The following MTA3 variants were observed in gnomAD, a reference collection of about 807,000 sequenced individuals.
MTA3 encodes metastasis-associated protein MTA3.
In MTA3, 34 loss-of-function variants were observed where a neutral mutation model predicts 83.5. That is an observed-to-expected ratio of 0.41 (90% CI 0.31 to 0.54). MTA3 has a LOEUF of 0.54. MTA3 is among the 20% of genes least tolerant of loss of function. MTA3 has a pLI of 0.33. For synonymous variants in MTA3, 303 were observed against 252.7 expected, an observed-to-expected ratio of 1.20 and a Z score of -1.89; for missense variants, 761 against 726.4, an observed-to-expected ratio of 1.05 and a Z score of -0.55.
intron 3 of MTA3, among the ~76,000 whole-genome samples, chr2:42,580,572 A>G (rs1161272061): frequency 1.3e-5 from 2 of 151,812 alleles, no homozygotes; most frequent in African/African-American, 2.4e-5. Flanking sequence ...GGGTTTCACC[A>G]TGTTGGTCAG....
Position 42,594,266 on chromosome 2 carries a change from A to T in MTA3, c.190+15066A>T, listed in dbSNP as rs150939407. On this transcript the variant is annotated intron_variant, in intron 3 of 16. Transcript: ENST00000405094. ...CCCCTTTTTTTTTTTTTTTTTTTTT[A>T]AAAGACAGTCCCTAGGCTGGAGTGC... Among the ~76,000 whole-genome samples, 180 of 54,432 alleles carry T rather than the reference A, an allele frequency of 3.3e-3. 4 individuals are homozygous for T. The highest frequency in any genetic ancestry group is 4.0e-3 in the Admixed American group (15 of 3,762). 35.7% of individuals were successfully genotyped at this position (54,432 alleles called of 152,430 possible). A position where few individuals can be genotyped will look rare whatever the true frequency, so the allele number is the denominator to read the frequency against.
Position 42,753,480 on chromosome 2 carries a change from G to T in MTA3, c.*81G>T. ...CACAGCCGTGCCTGGGAAGAAGGCAGCCCCACTCCCAGTACATTTCAGTGG... is the reference window on the plus strand; with the variant it reads ...CACAGCCGTGCCTGGGAAGAAGGCATCCCCACTCCCAGTACATTTCAGTGG... On this transcript the variant is annotated 3_prime_UTR_variant, in exon 17 of 17. Transcript: ENST00000405094. 1 of 1,547,962 alleles carries T rather than the reference G, an allele frequency of 6.5e-7. No homozygotes were observed. Among genetic ancestry groups the T allele is most frequent in the East Asian group, 2.4e-5 (1 of 40,876 alleles).
At chr2:42,694,763 T>G (rs1377330615) in intron 9 of MTA3, among the ~76,000 whole-genome samples, 1 of 152,136 alleles carries the variant, frequency 6.6e-6, no homozygotes. Context: ...CTGAAATAAC[T>G]CAGGCTAGAG....
At chr2:42,575,141 A>G (rs1218148745) in intron 2 of MTA3, among the ~76,000 whole-genome samples, 2 of 152,166 alleles carry the variant, frequency 1.3e-5, no homozygotes, top group Admixed American at 1.3e-4. Flanking sequence ...TGCCTTGCTT[A>G]CTTGGCACAA....
At chr2:42,530,413 G>A (rs1290486095) in intron 2 of MTA3, among the ~76,000 whole-genome samples, 1 of 152,014 alleles carries the variant, frequency 6.6e-6, no homozygotes, top group African/African-American at 2.4e-5. Flanking sequence ...CGTGAACCCA[G>A]GAGGCGGAGC....
At chr2:42,581,681 C>G (rs1387894292) in intron 3 of MTA3, 2 of 189,950 alleles carry the variant, frequency 1.1e-5, no homozygotes, top group Admixed American at 6.0e-5. Context: ...CCACACCCAA[C>G]TAGCAACAAC....
At position 42,708,950 on chromosome 2, in the gene MTA3, C is replaced by G. The variant is rs1455132027; in HGVS notation, c.1379C>G (p.Ser460Cys). Residue 460 changes from serine (S) to cysteine (C), a missense_variant, in exon 14 of 17, where the codon TCT (serine) becomes TGT (cysteine). Ser to Cys is a moderately radical substitution (Grantham distance 112). Coordinates refer to ENST00000405094, the MANE Select transcript of MTA3 (RefSeq NM_001330442.2). ...MPVRNTGSPK[S>C]AVKTRQAFFL... The stretch of plus-strand genomic sequence containing the variant: ...GTCCGAAACACTGGGAGTCCAAAGT[C>G]TGCAGTGAAGACCCGCCAAGCTTTC... 2.5e-6 allele frequency: 4 copies of G among 1,614,004 alleles called. No individual in the cohort carries two copies. Among genetic ancestry groups the G allele is most frequent in the Non-Finnish European group, 8.5e-7 (1 of 1,179,888 alleles).
At chr2:42,740,453 G>A (rs1428417527) in intron 16 of MTA3, among the ~76,000 whole-genome samples, 1 of 152,204 alleles carries the variant, frequency 6.6e-6, no homozygotes, top group Non-Finnish European at 1.5e-5. Context: ...TCGAGGCCCA[G>A]TGAGCCATGT....
At chr2:42,635,668 C>T (rs1473155113) in intron 4 of MTA3, among the ~76,000 whole-genome samples, 1 of 151,968 alleles carries the variant, frequency 6.6e-6, no homozygotes, top group Non-Finnish European at 1.5e-5. Context: ...AAATGTAAGA[C>T]TTGTAAAGTC....
intron 8 of MTA3, among the ~76,000 whole-genome samples, chr2:42,675,844 A>G (rs1242003819): frequency 1.3e-5 from 2 of 152,196 alleles, no homozygotes; most frequent in African/African-American, 2.4e-5. Flanking sequence ...TAAGGGTAAG[A>G]TTAGACTACG....
intron 16 of MTA3, among the ~76,000 whole-genome samples, chr2:42,734,403 T>C (rs1249673637): frequency 6.7e-6 from 1 of 148,366 alleles, no homozygotes; most frequent in East Asian, 2.0e-4. Context: ...TTTCCATCCC[T>C]TTACTTTGTT....
intron 2 of MTA3, among the ~76,000 whole-genome samples, chr2:42,545,047 G>A (rs915808264): frequency 2.0e-5 from 3 of 152,140 alleles, no homozygotes; most frequent in Admixed American, 6.6e-5. Context: ...CAGGTGATGA[G>A]AGCTGCAGAA....
intron 2 of MTA3, among the ~76,000 whole-genome samples, chr2:42,517,953 A>C (rs941394072): frequency 1.3e-5 from 2 of 152,064 alleles, no homozygotes; most frequent in African/African-American, 4.8e-5. Flanking sequence ...TGGGAGGCCA[A>C]AGTGGGCAGA....
chr2:42,535,810 G>T (rs1676202717), intron 2 of MTA3, among the ~76,000 whole-genome samples: 1 of 152,006 alleles, frequency 6.6e-6, no homozygotes, highest in Admixed American at 6.6e-5. Flanking sequence ...CTTCCAGCAT[G>T]AGCTTGGAGA....
chr2:42,713,397 G>C (rs1448066637), intron 14 of MTA3, among the ~76,000 whole-genome samples: 2 of 152,186 alleles, frequency 1.3e-5, no homozygotes, highest in Non-Finnish European at 2.9e-5. Context: ...TGAATCATGA[G>C]AGAATAGTTG....
intron 3 of MTA3, among the ~76,000 whole-genome samples, chr2:42,584,543 GTA>G (rs1180559230): frequency 6.6e-6 from 1 of 150,594 alleles, no homozygotes; most frequent in Non-Finnish European, 1.5e-5. Flanking sequence ...AGACTTCAGT[GTA>G]TTTTTTTTTT....
At chr2:42,607,124 G>A (rs1231829369) in intron 3 of MTA3, among the ~76,000 whole-genome samples, 3 of 152,142 alleles carry the variant, frequency 2.0e-5, no homozygotes, top group Admixed American at 6.5e-5. Context: ...GTAGGTAGAG[G>A]TAGAGGGTAG....
chr2:42,724,275 AAAACACACACACACACACACACACACAC>A (rs1667643390), intron 16 of MTA3, among the ~76,000 whole-genome samples: 3 of 82,184 alleles, frequency 3.7e-5, no homozygotes, highest in East Asian at 3.9e-4. Context: ...TAAGTCCTGA[AAAACACACACACACACACACACACACAC>A]ACACACACAC....
chr2:42,506,242 C>G (rs1674621416), intron 2 of MTA3, among the ~76,000 whole-genome samples: 1 of 152,100 alleles, frequency 6.6e-6, no homozygotes, highest in African/African-American at 2.4e-5. Flanking sequence ...CCCAGGAGTT[C>G]AAGACCAGCC....
Sources: gnomAD v4.1 joint callset for allele counts (sites outside exome capture counted in the v4.1 genomes callset) on GRCh38, gnomAD v4.1.1 for gene constraint, MANE v1.5 for transcripts, NCBI Gene and HGNC (gene_info 2026-07-23, HGNC 2026-07-21) for gene names.